HTR2C: variants seen among roughly 807,000 people sequenced by gnomAD.
HTR2C encodes 5-hydroxytryptamine receptor 2C, also known as 5-hydroxytryptamine (serotonin) receptor 2C, G protein-coupled.
Under a neutral mutation model 21.0 loss-of-function variants are expected in HTR2C, and 5 were observed. The observed-to-expected ratio is 0.24, with a 90% CI of 0.12 to 0.50. The LOEUF (loss-of-function observed/expected upper bound fraction) is 0.50. Among genes scored for constraint, HTR2C ranks in the 20% least tolerant of loss-of-function variants. The pLI is 0.98. For synonymous variants in HTR2C, 150 were observed against 145.3 expected (o/e 1.03, Z -0.23); for missense variants, 271 against 371.2 (o/e 0.73, Z 2.22).
intron 5 of HTR2C, among the ~76,000 whole-genome samples, chrX:114,897,483 G>A (rs1287910892): frequency 8.1e-5 from 9 of 110,731 alleles, no homozygotes; most frequent in African/African-American, 3.0e-4. Flanking sequence ...GTCCCATGGT[G>A]GTTTGCTACA....
chrX:114,678,659 G>A (rs782492499), intron 2 of HTR2C, among the ~76,000 whole-genome samples: 1 of 111,363 alleles, frequency 9.0e-6, no homozygotes, highest in Non-Finnish European at 1.9e-5. Flanking sequence ...GCTCAAATGA[G>A]ATAATGAATG....
At chrX:114,634,066 C>G (rs1040067131) in intron 2 of HTR2C, among the ~76,000 whole-genome samples, 1 of 109,644 alleles carries the variant, frequency 9.1e-6, no homozygotes, top group Non-Finnish European at 1.9e-5. Context: ...TCCCTTACTA[C>G]TTCCTCCATT....
At chrX:114,822,927 G>A (rs1270507951) in intron 4 of HTR2C, among the ~76,000 whole-genome samples, 5 of 111,564 alleles carry the variant, frequency 4.5e-5, no homozygotes, top group Non-Finnish European at 9.4e-5. Flanking sequence ...TTGTAATGTG[G>A]TGGTCACATT....
At chrX:114,641,894 A>ACC (rs1556406560) in intron 2 of HTR2C, among the ~76,000 whole-genome samples, 1 of 108,393 alleles carries the variant, frequency 9.2e-6, no homozygotes, top group African/African-American at 3.4e-5. Flanking sequence ...CCCTCCCCTT[A>ACC]CCCCCACTCC....
At chrX:114,904,012 G>C (rs1556485939) in intron 5 of HTR2C, among the ~76,000 whole-genome samples, 1 of 111,493 alleles carries the variant, frequency 9.0e-6, no homozygotes, top group East Asian at 2.8e-4. Context: ...TCAGAAAATG[G>C]CCTTCTTCCC....
chrX:114,818,316 T>C (rs1388960302), intron 4 of HTR2C, among the ~76,000 whole-genome samples: 3 of 111,982 alleles, frequency 2.7e-5, no homozygotes, highest in Admixed American at 9.5e-5. Context: ...TCTCAGTATC[T>C]AATGAAATTA....
chrX:114,610,070 A>G (rs1188782926), intron 1 of HTR2C, among the ~76,000 whole-genome samples: 5 of 112,240 alleles, frequency 4.5e-5, no homozygotes, highest in African/African-American at 1.3e-4. Context: ...CAAAGTAGGC[A>G]GTAAAGGGTA....
intron 2 of HTR2C, among the ~76,000 whole-genome samples, chrX:114,625,982 T>C (rs1287579834): frequency 9.0e-6 from 1 of 111,298 alleles, no homozygotes; most frequent in Non-Finnish European, 1.9e-5. Flanking sequence ...AGTTCTAAGT[T>C]TATTTTGGGG....
chrX:114,896,833 C>A (rs2147532302), intron 5 of HTR2C, among the ~76,000 whole-genome samples: 1 of 111,893 alleles, frequency 8.9e-6, no homozygotes, highest in East Asian at 2.8e-4. Flanking sequence ...GGATCAATTA[C>A]ATTTTATGTA....
Position 114,601,276 on chromosome X carries a change from G to A in HTR2C, c.-146-12539G>A, listed in dbSNP as rs1279681566. Among the ~76,000 whole-genome samples, 3 of 111,018 alleles carry A rather than the reference G, an allele frequency of 2.7e-5. No homozygotes were observed. The Admixed American group carries it at 2.9e-4, about 11-fold the overall frequency. On this transcript the variant is annotated intron_variant, in intron 1 of 5. Transcript: ENST00000276198. Reference sequence around the variant, plus strand: ...AATTGCCCCAGATAACTTTTTTCATGTGCGTCCCTGTGAAGAGACCACCAA... The same window carrying A: ...AATTGCCCCAGATAACTTTTTTCATATGCGTCCCTGTGAAGAGACCACCAA...
At chrX:114,722,129 A>G (rs1486043414) in intron 2 of HTR2C, among the ~76,000 whole-genome samples, 2 of 110,512 alleles carry the variant, frequency 1.8e-5, no homozygotes, top group Middle Eastern at 4.6e-3. Flanking sequence ...TTTTCACGAT[A>G]TTGATTCTTC....
Position 114,611,357 on chromosome X carries a change from G to T in HTR2C, c.-146-2458G>T, listed in dbSNP as rs782090224. 8.9e-5 allele frequency among the ~76,000 whole-genome samples: 10 copies of T among 111,935 alleles called. No individual in the cohort carries two copies. The South Asian group carries it at 3.7e-3, about 41-fold the overall frequency. ...AATGTGTATTGAGATGATCTCATGC[G>T]TTTCTGCGATGCGATGTATAATTCT... On this transcript the variant is annotated intron_variant, in intron 1 of 5. Coordinates refer to ENST00000276198, the MANE Select transcript of HTR2C (RefSeq NM_000868.4).
intron 4 of HTR2C, among the ~76,000 whole-genome samples, chrX:114,754,841 T>C (rs2147370948): frequency 8.9e-6 from 1 of 111,908 alleles, no homozygotes; most frequent in South Asian, 3.7e-4. Context: ...TGGAAAACCA[T>C]CTACAGGGTG....
At chrX:114,626,854 C>T (rs781875413) in intron 2 of HTR2C, among the ~76,000 whole-genome samples, 2 of 111,742 alleles carry the variant, frequency 1.8e-5, no homozygotes, top group South Asian at 7.5e-4. Context: ...AAGAGATGTT[C>T]ACTGAATTAG....
chrX:114,838,178 T>C (rs2070804060), intron 4 of HTR2C, among the ~76,000 whole-genome samples: 1 of 111,943 alleles, frequency 8.9e-6, no homozygotes, highest in Admixed American at 9.5e-5. Flanking sequence ...TATTTTGAAC[T>C]TTGAATCTAT....
intron 5 of HTR2C, among the ~76,000 whole-genome samples, chrX:114,859,316 C>CTG (rs369447787): frequency 0.026 from 2,747 of 106,383 alleles, 84 homozygotes; most frequent in African/African-American, 0.081. Flanking sequence ...TGGTATGTGT[C>CTG]TGTGTGTGTG....
intron 2 of HTR2C, among the ~76,000 whole-genome samples, chrX:114,695,244 A>G (rs192672750): frequency 8.9e-6 from 1 of 112,563 alleles, no homozygotes; most frequent in African/African-American, 3.2e-5. Flanking sequence ...AACAGAAGAT[A>G]TCCCAATGAT....
intron 2 of HTR2C, among the ~76,000 whole-genome samples, chrX:114,706,972 A>G (rs1042159905): frequency 9.0e-6 from 1 of 111,169 alleles, no homozygotes; most frequent in African/African-American, 3.3e-5. Flanking sequence ...AAAATTTAAG[A>G]TTGTAAGGTT....
At chrX:114,886,611 T>C (rs370115936) in intron 5 of HTR2C, among the ~76,000 whole-genome samples, 1 of 111,207 alleles carries the variant, frequency 9.0e-6, no homozygotes, top group South Asian at 3.7e-4. Flanking sequence ...ATTACTCCTA[T>C]GTAACTCTAT....
Sources: allele counts gnomAD v4.1 joint callset (sites outside exome capture counted in the v4.1 genomes callset), GRCh38; gene constraint gnomAD v4.1.1; transcripts MANE v1.5; gene names NCBI Gene and HGNC (gene_info 2026-07-23, HGNC 2026-07-21).